Variants in ARHGAP32 observed in about 807,000 individuals in gnomAD.
ARHGAP32 encodes rho GTPase-activating protein 32.
A neutral mutation model predicts 186.5 loss-of-function variants in ARHGAP32; 51 were observed. The ratio of observed to expected loss-of-function variants is 0.27; its 90% CI spans 0.22 to 0.35. The LOEUF (loss-of-function observed/expected upper bound fraction) is 0.35. Among genes scored for constraint, ARHGAP32 ranks in the 10% least tolerant of loss-of-function variants. The pLI is 1.00. For synonymous variants in ARHGAP32, 950 were observed against 964.3 expected (o/e 0.99, Z 0.27); for missense variants, 2,186 against 2,623.5 (o/e 0.83, Z 3.64).
intron 1 of ARHGAP32, among the ~76,000 whole-genome samples, chr11:129,197,419 A>G (rs1350553592): frequency 1.3e-5 from 2 of 152,222 alleles, no homozygotes; most frequent in Non-Finnish European, 2.9e-5. Flanking sequence ...TCCCATCATA[A>G]TAATTGTTTT....
chr11:129,255,893 G>A (rs368342679), intron 1 of ARHGAP32, among the ~76,000 whole-genome samples: 2 of 152,086 alleles, frequency 1.3e-5, no homozygotes, highest in East Asian at 3.9e-4. Flanking sequence ...CAAAAGATAT[G>A]TTGTAGGATG....
intron 15 of ARHGAP32, among the ~76,000 whole-genome samples, chr11:128,982,474 C>CGTGTGTGTGT (rs60379183): frequency 0.05 from 7,330 of 147,408 alleles, 226 homozygotes; most frequent in East Asian, 0.076. Context: ...AGGTAAGTGC[C>CGTGTGTGTGT]GTGTGTGTGT....
At chr11:129,193,594 G>A (rs59036530), upstream of ARHGAP32, among the ~76,000 whole-genome samples, 36,965 of 57,218 alleles carry the variant, frequency 0.65, 12,251 homozygotes, top group Non-Finnish European at 0.72. Flanking sequence ...TATAATATAT[G>A]TTATATATAA....
At chr11:128,998,063 G>C (rs900817787) in intron 12 of ARHGAP32, among the ~76,000 whole-genome samples, 2 of 152,162 alleles carry the variant, frequency 1.3e-5, no homozygotes, top group Non-Finnish European at 2.9e-5. Flanking sequence ...CAAAATAACA[G>C]GGTGGTTGTA....
At chr11:129,047,744 T>A (rs1424408050) in intron 10 of ARHGAP32, among the ~76,000 whole-genome samples, 1 of 152,006 alleles carries the variant, frequency 6.6e-6, no homozygotes, top group Non-Finnish European at 1.5e-5. Context: ...TTCTTTAGAG[T>A]CTCTGCCCAG....
At chr11:129,027,663 A>G (rs1938920534) in intron 11 of ARHGAP32, among the ~76,000 whole-genome samples, 1 of 152,116 alleles carries the variant, frequency 6.6e-6, no homozygotes, top group African/African-American at 2.4e-5. Flanking sequence ...CTAATGAGCC[A>G]TTCCCGGACC....
intron 1 of ARHGAP32, among the ~76,000 whole-genome samples, chr11:129,224,235 T>C (rs1240892313): frequency 6.6e-6 from 1 of 152,178 alleles, no homozygotes; most frequent in Non-Finnish European, 1.5e-5. Context: ...GGCAAGAGAT[T>C]CAAATTTCAG....
Position 128,981,855 on chromosome 11 carries a change from T to C in ARHGAP32, c.1608A>G (p.Ala536=), listed in dbSNP as rs763157770. The change falls in exon 16 of 23, where the codon GCA becomes GCG. Residue 536 remains alanine (A), a synonymous_variant. Coordinates refer to ENST00000682385, the MANE Select transcript of ARHGAP32 (RefSeq NM_001378024.1). Reference sequence around the variant, plus strand: ...TTAACAGGTTTGGAGCCCAAACAATTGCTAGATTTTTTGCATGCATATTTG... The same window carrying C: ...TTAACAGGTTTGGAGCCCAAACAATCGCTAGATTTTTTGCATGCATATTTG... The part of the protein sequence containing the change: ...SITNMHAKNL[A]IVWAPNLLRS... 6.2e-7 allele frequency: 1 copy of C among 1,612,982 alleles called. No individual in the cohort carries two copies. Among genetic ancestry groups the C allele is most frequent in the Non-Finnish European group, 8.5e-7 (1 of 1,179,368 alleles).
intron 1 of ARHGAP32, among the ~76,000 whole-genome samples, chr11:129,198,443 T>C (rs921623627): frequency 6.6e-6 from 1 of 152,196 alleles, no homozygotes; most frequent in African/African-American, 2.4e-5. Flanking sequence ...GGGAAGGACC[T>C]GGTAGGAGAC....
chr11:129,068,367 T>G (rs568376174), intron 6 of ARHGAP32, among the ~76,000 whole-genome samples: 1 of 152,266 alleles, frequency 6.6e-6, no homozygotes, highest in Non-Finnish European at 1.5e-5. Context: ...ATGTTAGCTC[T>G]TTCTTTGATG....
At chr11:129,078,405 C>T (rs964980890) in intron 6 of ARHGAP32, among the ~76,000 whole-genome samples, 1 of 152,150 alleles carries the variant, frequency 6.6e-6, no homozygotes, top group Non-Finnish European at 1.5e-5. Flanking sequence ...AAGGTTAACA[C>T]CCCCAAAAGA....
chr11:129,278,269 C>T (rs1945558807), intron 1 of ARHGAP32, among the ~76,000 whole-genome samples: 1 of 152,358 alleles, frequency 6.6e-6, no homozygotes, highest in South Asian at 2.1e-4. Context: ...GTGCCCCAAG[C>T]ATTTTAAAGA....
chr11:129,206,198 C>T (rs944223371), intron 1 of ARHGAP32, among the ~76,000 whole-genome samples: 3 of 152,052 alleles, frequency 2.0e-5, no homozygotes, highest in Non-Finnish European at 4.4e-5. Flanking sequence ...TTCCAACTGC[C>T]TTGAACCTTC....
Position 129,124,840 on chromosome 11 carries a change from C to T in ARHGAP32, c.280G>A (p.Gly94Ser). ...IPGDLTLKTCGSTASMKVKHV... is the reference protein window; with the variant it reads ...IPGDLTLKTCSSTASMKVKHV... Reference sequence around the variant, plus strand: ...TTAACCTTCATACTGGCTGTACTGCCACACGTCTTAAGAGTAAGATCTCCA... The same window carrying T: ...TTAACCTTCATACTGGCTGTACTGCTACACGTCTTAAGAGTAAGATCTCCA... Residue 94 changes from glycine to serine, a missense_variant, in exon 3 of 23, where the codon GGC becomes AGC. Gly to Ser is a moderately conservative substitution (Grantham distance 56, BLOSUM62 0). Transcript: ENST00000682385. 1 of 1,611,100 alleles carries T rather than the reference C, an allele frequency of 6.2e-7. No individual in the cohort carries two copies. Among genetic ancestry groups the T allele is most frequent in the Non-Finnish European group, 8.5e-7 (1 of 1,178,598 alleles).
chr11:129,160,060 G>A (rs909982772), intron 2 of ARHGAP32, among the ~76,000 whole-genome samples: 1 of 152,146 alleles, frequency 6.6e-6, no homozygotes, highest in Non-Finnish European at 1.5e-5. Context: ...ACTGCTTCAT[G>A]CTAAAAACTC....
At chr11:129,170,759 G>A (rs2135503197) in intron 1 of ARHGAP32, among the ~76,000 whole-genome samples, 1 of 152,302 alleles carries the variant, frequency 6.6e-6, no homozygotes, top group East Asian at 1.9e-4. Context: ...TCTTCCACAA[G>A]GGTTGAACTA....
chr11:129,199,610 C>T (rs1224512038), intron 1 of ARHGAP32, among the ~76,000 whole-genome samples: 1 of 152,266 alleles, frequency 6.6e-6, no homozygotes, highest in Non-Finnish European at 1.5e-5. Context: ...ACCTAGATTT[C>T]AGAGGATGTA....
At chr11:129,026,296 G>A (rs765602631) in intron 11 of ARHGAP32, among the ~76,000 whole-genome samples, 1 of 152,104 alleles carries the variant, frequency 6.6e-6, no homozygotes, top group Non-Finnish European at 1.5e-5. Flanking sequence ...AAAATAAAAA[G>A]TCAAAAAATA....
At position 128,970,174 on chromosome 11, in the gene ARHGAP32, G is replaced by T. The variant is rs368884236; in HGVS notation, c.5039C>A (p.Ala1680Asp). The change falls in exon 23 of 23, where the codon GCC (alanine) becomes GAC (aspartate). Residue 1680 changes from alanine to aspartate, a missense_variant. Ala to Asp is a moderately radical substitution (Grantham distance 126, BLOSUM62 -2). This residue lies in a region of ARHGAP32 where 1,502 missense variants were observed against 1,570.0 expected (regional missense o/e 0.96). Coordinates refer to ENST00000682385, the MANE Select transcript of ARHGAP32 (RefSeq NM_001378024.1). This position sits in a 1 kb window ranked among gnomAD's most constrained non-coding sequence, Gnocchi z 5.8. ...SSSSYYSPDG[A>D]LCDVDAYGTV... ...GCCATAGGCATCCACATCACACAGG[G>T]CCCCATCTGGACTGTAATAGGAACT... is the stretch of plus-strand genomic sequence containing the variant. 2 of 1,614,086 alleles carry T rather than the reference G, an allele frequency of 1.2e-6. No individual in the cohort carries two copies. Among genetic ancestry groups the T allele is most frequent in the Non-Finnish European group, 1.7e-6 (2 of 1,180,048 alleles).
Sources: gnomAD v4.1 joint callset for allele counts (sites outside exome capture counted in the v4.1 genomes callset) on GRCh38, gnomAD v4.1.1 for gene constraint, gnomAD v4.1.1 regional missense constraint, Gnocchi (gnomAD v3.1) non-coding constraint, MANE v1.5 for transcripts, NCBI Gene and HGNC (gene_info 2026-07-23, HGNC 2026-07-21) for gene names.